The following CLPB variants were observed in gnomAD, a reference collection of about 807,000 sequenced individuals.
The protein encoded by CLPB is mitochondrial disaggregase.
In CLPB, 40 loss-of-function variants were observed where a neutral mutation model predicts 78.4. That is an observed-to-expected ratio of 0.51 (90% CI 0.40 to 0.66). The LOEUF (loss-of-function observed/expected upper bound fraction) is 0.66, where lower values mean the gene tolerates loss of function less well. CLPB is among the 30% of genes least tolerant of loss of function. CLPB has a pLI of 0.00. For missense variants in CLPB, 780 were observed against 886.9 expected, an observed-to-expected ratio of 0.88 and a Z score of 1.53; for synonymous variants, 333 against 348.0, an observed-to-expected ratio of 0.96 and a Z score of 0.48.
At chr11:72,330,152 A>C (rs555947542) in intron 5 of CLPB, among the ~76,000 whole-genome samples, 42 of 152,256 alleles carry the variant, frequency 2.8e-4, no homozygotes, top group Admixed American at 9.2e-4. Flanking sequence ...ACATATCAGC[A>C]TACAGATAAA....
At chr11:72,363,142 C>A (rs959905429) in intron 4 of CLPB, among the ~76,000 whole-genome samples, 2 of 150,514 alleles carry the variant, frequency 1.3e-5, no homozygotes, top group Non-Finnish European at 3.0e-5. Context: ...GGTGACAGAG[C>A]CAGACCCTGT....
Position 72,434,441 on chromosome 11 carries a change from G to T in CLPB, c.34C>A (p.Leu12Met), listed in dbSNP as rs368624249. The T allele has an allele frequency of 7.0e-6, 11 of 1,573,466 alleles. No homozygotes were observed. The highest frequency in any genetic ancestry group is 8.6e-6 in the Non-Finnish European group (10 of 1,157,612). ...AGCCGGAGGAGTAGCCGTGGCGCCA[G>T]TGCTTTTCTCCTCAACACCAGGGAC... The part of the protein sequence containing the change: ...LGSLVLRRKA[L>M]APRLLLRLLR... Residue 12 changes from leucine to methionine, a missense_variant, in exon 1 of 16, where the codon CTG (leucine) becomes ATG (methionine). This residue lies in a region of CLPB where 417 missense variants were observed against 414.7 expected (regional missense o/e 1.01). Coordinates refer to ENST00000538039, the MANE Select transcript of CLPB (RefSeq NM_001258392.3).
intron 2 of CLPB, among the ~76,000 whole-genome samples, chr11:72,404,247 ACAG>A (rs1043333541): frequency 6.6e-6 from 1 of 152,180 alleles, no homozygotes; most frequent in Admixed American, 6.5e-5. Context: ...ATGGCTCAAG[ACAG>A]CATATCAAAG....
rs1272080430 is a variant in CLPB, at chr11:72,433,589, A to AAATT, written c.403+479_403+482dup. Among the ~76,000 whole-genome samples the AAATT allele has an allele frequency of 9.2e-4, 132 of 143,396 alleles. 6 individuals carry two copies. The highest frequency in any genetic ancestry group is 4.5e-5 in the Non-Finnish European group (3 of 66,066). The allele number at this position is 143,396 out of a possible 152,430, so 94.1% of individuals were successfully genotyped here. ...TAAATAAATAAATAAATAAATAAATAAATTGAGGTCAAGCTGGCATTAGAA... is the reference window on the plus strand; with the variant it reads ...TAAATAAATAAATAAATAAATAAATAAATTAATTGAGGTCAAGCTGGCATTAGAA... On this transcript the variant is annotated intron_variant, in intron 1 of 15. Coordinates refer to ENST00000538039, the MANE Select transcript of CLPB (RefSeq NM_001258392.3).
At position 72,420,048 on chromosome 11, in the gene CLPB, T is replaced by C. The variant is rs1323457081; in HGVS notation, c.455+10264A>G. On this transcript the variant is annotated intron_variant, in intron 2 of 15. Transcript: ENST00000538039. ...TACACAGTTTGCTTAATTTTTATCA[T>C]TTACAAAACACTTTTAGCCAGGCGT... 4.6e-5 allele frequency among the ~76,000 whole-genome samples: 7 copies of C among 152,204 alleles called. 1 individual carries two copies. The East Asian group carries it at 1.3e-3, about 29-fold the overall frequency.
rs778602641 is a variant in CLPB, at chr11:72,434,467, C to T, written c.8G>A (p.Gly3Glu). 6.5e-7 allele frequency: 1 copy of T among 1,540,704 alleles called. No individual in the cohort carries two copies. Among genetic ancestry groups the T allele is most frequent in the Non-Finnish European group, 8.8e-7 (1 of 1,140,762 alleles). ...TGCTTTTCTCCTCAACACCAGGGAC[C>T]CCAGCATCTTGACAGCTGCTTCGAT... ML[G>E]SLVLRRKALA... The change falls in exon 1 of 16, where the codon GGG becomes GAG. Residue 3 changes from glycine to glutamate, a missense_variant. Physicochemically the swap from Gly to Glu is moderately conservative, Grantham distance 98 (BLOSUM62 -2). Around this residue, in one of 3 missense-constraint regions of CLPB, gnomAD observed 417 missense variants for 414.7 expected, o/e 1.01. Transcript: ENST00000538039.
Position 72,418,854 on chromosome 11 carries a change from C to CAAA in CLPB, c.455+11455_455+11457dup, listed in dbSNP as rs913728201. The stretch of plus-strand genomic sequence containing the variant: ...TGGTGACAGAGTGAGACTCCATCTC[C>CAAA]AAAAAAAAAAAAAAAAAAGAAAAGA... On this transcript the variant is annotated intron_variant, in intron 2 of 15. Coordinates refer to ENST00000538039, the MANE Select transcript of CLPB (RefSeq NM_001258392.3). Among the ~76,000 whole-genome samples, 229 of 75,232 alleles carry CAAA rather than the reference C, an allele frequency of 3.0e-3. 1 individual carries two copies. The highest frequency in any genetic ancestry group is 9.9e-3 in the African/African-American group (219 of 22,052). The allele number at this position is 75,232 out of a possible 152,430, so 49.4% of individuals were successfully genotyped here. A position where few individuals can be genotyped will look rare whatever the true frequency, so the allele number is the denominator to read the frequency against.
chr11:72,396,486 T>C (rs1313838841), intron 3 of CLPB, among the ~76,000 whole-genome samples: 4 of 152,086 alleles, frequency 2.6e-5, no homozygotes, highest in Non-Finnish European at 5.9e-5. Context: ...ACGGCCTCAC[T>C]ATATAGGTGG....
intron 2 of CLPB, among the ~76,000 whole-genome samples, chr11:72,406,381 G>A (rs1365370924): frequency 1.3e-5 from 2 of 152,156 alleles, no homozygotes; most frequent in Non-Finnish European, 2.9e-5. Flanking sequence ...CTGAAGGGCC[G>A]AGTGCAGTCT....
intron 1 of CLPB, 46 bp downstream of exon 1, chr11:72,434,026 C>T (rs777779838): frequency 1.9e-6 from 3 of 1,587,386 alleles, no homozygotes; most frequent in Middle Eastern, 1.7e-4. Flanking sequence ...GAAGTTAGGA[C>T]AATCTTCCCG....
Position 72,302,362 on chromosome 11 carries a change from A to G in CLPB, c.1123-14T>C, listed in dbSNP as rs761493633. ...CCTGATGAAGCCCTGTGTGGAAACA[A>G]GCAAGTACCAACTCCGTTTGGAGGC... is the stretch of plus-strand genomic sequence containing the variant. On this transcript the variant is annotated splice_polypyrimidine_tract_variant and intron_variant, in intron 9 of 15. Coordinates refer to ENST00000538039, the MANE Select transcript of CLPB (RefSeq NM_001258392.3). 24 of 1,613,876 alleles carry G rather than the reference A, an allele frequency of 1.5e-5. No homozygotes were observed. Among genetic ancestry groups the G allele is most frequent in the Middle Eastern group, 1.6e-4 (1 of 6,082 alleles).
rs2508204 is a variant in CLPB at position 72,290,776 on chromosome 11, T to C, written c.*2591A>G. On this transcript the variant is annotated 3_prime_UTR_variant, in exon 16 of 16. Transcript: ENST00000538039. ...CTGGCCAACATGGCGAAAACCTGTC[T>C]CTACTAAAAATACAAAAATTAGCTG... The C allele has an allele frequency of 0.099, 15,036 of 151,890 alleles. 1,285 individuals carry two copies. The highest frequency in any genetic ancestry group is 0.23 in the African/African-American group (9,387 of 41,344). The allele number at this position is 151,890 out of a possible 1,614,324, so 9.4% of individuals were successfully genotyped here.
At chr11:72,323,980 G>A (rs1205143817) in intron 6 of CLPB, among the ~76,000 whole-genome samples, 1 of 151,872 alleles carries the variant, frequency 6.6e-6, no homozygotes, top group Non-Finnish European at 1.5e-5. Flanking sequence ...TATTATTTAT[G>A]TACATAAATA....
chr11:72,305,833 TCTA>T (rs1949737098), intron 9 of CLPB, among the ~76,000 whole-genome samples: 1 of 152,244 alleles, frequency 6.6e-6, no homozygotes, highest in Non-Finnish European at 1.5e-5. Context: ...TCCTTCTACT[TCTA>T]CTGTGTATGA....
At chr11:72,336,044 C>T (rs946348736) in intron 5 of CLPB, among the ~76,000 whole-genome samples, 21 of 151,908 alleles carry the variant, frequency 1.4e-4, no homozygotes, top group Admixed American at 9.2e-4. Context: ...AGAGAGAGGC[C>T]CACCTGCCTT....
chr11:72,347,235 T>G (rs1213702645), intron 5 of CLPB, among the ~76,000 whole-genome samples: 1 of 152,158 alleles, frequency 6.6e-6, no homozygotes, highest in Non-Finnish European at 1.5e-5. Flanking sequence ...CAGGATATTT[T>G]TGTGGTCTTA....
At chr11:72,353,015 A>T (rs1277704791) in intron 5 of CLPB, 3 of 152,318 alleles carry the variant, frequency 2.0e-5, no homozygotes, top group Admixed American at 2.0e-4. Flanking sequence ...TCAACAGAGG[A>T]CAGACAGCCT....
intron 13 of CLPB, 62 bp from the exon 14 acceptor site, chr11:72,294,506 C>A: frequency 6.2e-7 from 1 of 1,612,080 alleles, no homozygotes; most frequent in Non-Finnish European, 8.5e-7. Context: ...GGGAAATTAC[C>A]AGACACCAGG....
intron 3 of CLPB, among the ~76,000 whole-genome samples, chr11:72,390,430 T>C (rs1158258222): frequency 1.3e-4 from 17 of 135,294 alleles, no homozygotes; most frequent in Non-Finnish European, 2.5e-4. Context: ...AGAGTGAGAC[T>C]GTCTCAAAAA....
Sources: gnomAD v4.1 joint callset for allele counts (sites outside exome capture counted in the v4.1 genomes callset) on GRCh38, gnomAD v4.1.1 for gene constraint, gnomAD v4.1.1 regional missense constraint, MANE v1.5 for transcripts, NCBI Gene and HGNC (gene_info 2026-07-23, HGNC 2026-07-21) for gene names.